DNAH7: variants seen among roughly 807,000 people sequenced by gnomAD.
The protein encoded by DNAH7 is dynein axonemal heavy chain 7.
In DNAH7, 397 loss-of-function variants were observed where a neutral mutation model predicts 444.6. That is an observed-to-expected ratio of 0.89 (90% confidence interval 0.82 to 0.97). The LOEUF (loss-of-function observed/expected upper bound fraction) is 0.97, where lower values mean the gene tolerates loss of function less well. Among genes scored for constraint, DNAH7 ranks in the 50% least tolerant of loss-of-function variants. DNAH7 has a pLI of 0.00. For missense variants in DNAH7, 4,902 were observed against 4,800.8 expected, an observed-to-expected ratio of 1.02 and a Z score of -0.62; for synonymous variants, 1,636 against 1,624.4, an observed-to-expected ratio of 1.01 and a Z score of -0.17.
intron 5 of DNAH7, among the ~76,000 whole-genome samples, chr2:196,032,134 G>A (rs367964879): frequency 1.4e-4 from 21 of 152,250 alleles, no homozygotes; most frequent in East Asian, 3.9e-4. Context: ...ATGTGGTGGC[G>A]AGAGAGAAAT....
chr2:195,886,863 C>T (rs1238723067), intron 33 of DNAH7, among the ~76,000 whole-genome samples: 1 of 152,130 alleles, frequency 6.6e-6, no homozygotes. Context: ...CTTCTCCCCA[C>T]GCAGCTCTCT....
intron 24 of DNAH7, among the ~76,000 whole-genome samples, chr2:195,916,264 T>C (rs966134750): frequency 6.6e-6 from 1 of 152,128 alleles, no homozygotes; most frequent in Non-Finnish European, 1.5e-5. Context: ...AAAAGCATGA[T>C]TCATGAAAGA....
chr2:195,990,231 C>T (rs976347624), intron 12 of DNAH7, among the ~76,000 whole-genome samples: 3 of 152,086 alleles, frequency 2.0e-5, no homozygotes, highest in African/African-American at 7.2e-5. Context: ...AATCTTTAAT[C>T]CGCTTTGAGG....
chr2:195,774,627 C>T (rs570783845), intron 60 of DNAH7, among the ~76,000 whole-genome samples: 27 of 152,288 alleles, frequency 1.8e-4, no homozygotes, highest in African/African-American at 6.5e-4. Flanking sequence ...GATTTGAAAT[C>T]GTACTAGCTG....
chr2:195,933,894 T>G (rs2125403301), intron 21 of DNAH7, among the ~76,000 whole-genome samples: 1 of 147,888 alleles, frequency 6.8e-6, no homozygotes, highest in Non-Finnish European at 1.5e-5. Context: ...AAACTTAAAG[T>G]ATAGTAACAA....
Position 195,754,498 on chromosome 2 carries a change from C to T in DNAH7, c.11603G>A (p.Gly3868Asp), listed in dbSNP as rs754811352. The change falls in exon 63 of 65, where the codon GGT becomes GAT. Residue 3868 changes from glycine (G) to aspartate (D), a missense_variant. Transcript: ENST00000312428. ...AGAAAGCCAGAAGACTGGAGGAGGA[C>T]CAACCTCATACCATTGCTAGGGTGT... ...LKFLQQWYEV[G>D]PPPVFWLSGF... The T allele has an allele frequency of 1.2e-5, 19 of 1,613,852 alleles. No individual in the cohort carries two copies. The highest frequency in any genetic ancestry group is 1.7e-5 in the Admixed American group (1 of 59,978).
At chr2:195,846,949 A>ATATGTGTGTGTG (rs1553535817) in intron 46 of DNAH7, among the ~76,000 whole-genome samples, 8 of 137,216 alleles carry the variant, frequency 5.8e-5, no homozygotes, top group African/African-American at 2.3e-4. Flanking sequence ...ACTCCCATAT[A>ATATGTGTGTGTG]TGTGTGTGTG....
intron 61 of DNAH7, among the ~76,000 whole-genome samples, chr2:195,757,772 C>T (rs757127929): frequency 5.9e-5 from 9 of 152,272 alleles, no homozygotes; most frequent in Non-Finnish European, 1.2e-4. Flanking sequence ...ATACACTGCA[C>T]AATACCCCTA....
intron 45 of DNAH7, among the ~76,000 whole-genome samples, chr2:195,854,025 G>T (rs1288338877): frequency 7.9e-5 from 12 of 152,130 alleles, no homozygotes; most frequent in Admixed American, 7.9e-4. Context: ...TCAGGCACTT[G>T]CAATTCAGCT....
At position 195,777,833 on chromosome 2, in the gene DNAH7, T is replaced by C; in HGVS notation, c.11031A>G (p.Ser3677=). The C allele has an allele frequency of 6.2e-7, 1 of 1,613,808 alleles. No homozygotes were observed. Among genetic ancestry groups the C allele is most frequent in the East Asian group, 2.2e-5 (1 of 44,876 alleles). ...AAGGAGGAACAAAATAGATGCCACTTGAGTCGAACTTATAGTCTGAATTTT... is the reference window on the plus strand; with the variant it reads ...AAGGAGGAACAAAATAGATGCCACTCGAGTCGAACTTATAGTCTGAATTTT... ...LVENSDYKFD[S]SGIYFVPPSG... The change falls in exon 59 of 65, where the codon TCA becomes TCG. Residue 3677 remains serine, a synonymous_variant. Coordinates refer to ENST00000312428, the MANE Select transcript of DNAH7 (RefSeq NM_018897.3).
chr2:195,936,214 A>T (rs1689041327), intron 20 of DNAH7, among the ~76,000 whole-genome samples: 1 of 152,240 alleles, frequency 6.6e-6, no homozygotes, highest in Non-Finnish European at 1.5e-5. Context: ...TCCCTACTAA[A>T]AATACCAAAA....
intron 58 of DNAH7, among the ~76,000 whole-genome samples, 200 bp downstream of exon 58, chr2:195,786,810 C>A (rs1294546406): frequency 6.6e-6 from 1 of 152,122 alleles, no homozygotes; most frequent in African/African-American, 2.4e-5. Context: ...TTCTAATAGA[C>A]AAACTGATGT....
intron 40 of DNAH7, among the ~76,000 whole-genome samples, chr2:195,868,934 A>G (rs1700514005): frequency 6.6e-6 from 1 of 150,906 alleles, no homozygotes; most frequent in African/African-American, 2.4e-5. Context: ...TCTCTAACAT[A>G]TATTAAACCC....
At chr2:195,930,600 T>C (rs1688626587) in intron 21 of DNAH7, among the ~76,000 whole-genome samples, 1 of 152,216 alleles carries the variant, frequency 6.6e-6, no homozygotes, top group Non-Finnish European at 1.5e-5. Context: ...GTTCAGCTGC[T>C]GTGGAAAGCA....
chr2:195,960,810 T>A lies in DNAH7; in HGVS notation c.2341A>T (p.Arg781Ter), dbSNP rs1691042044. Residue 781 changes from arginine to a stop codon, truncating the protein, a stop_gained, in exon 18 of 65, where the codon AGA becomes TGA. Coordinates refer to ENST00000312428, the MANE Select transcript of DNAH7 (RefSeq NM_018897.3). LOFTEE classifies it high-confidence loss of function. Reference sequence around the variant, plus strand: ...TGATATGGCCCTTCTGTCCATGCTCTATAGTTGCTGCTAAATTCGACAGCA... The same window carrying A: ...TGATATGGCCCTTCTGTCCATGCTCAATAGTTGCTGCTAAATTCGACAGCA... The part of the protein sequence containing the change: ...ETAVEFSSNY[R>*]AWTEGPYHKV... 1.2e-6 allele frequency: 2 copies of A among 1,614,198 alleles called. No individual in the cohort carries two copies. Among genetic ancestry groups the A allele is most frequent in the Admixed American group, 1.7e-5 (1 of 60,032 alleles).
intron 40 of DNAH7, among the ~76,000 whole-genome samples, chr2:195,868,803 C>T (rs1203062261): frequency 6.7e-6 from 1 of 149,510 alleles, no homozygotes; most frequent in Non-Finnish European, 1.5e-5. Flanking sequence ...TGTCTCAGAG[C>T]CATGGAGAAG....
intron 12 of DNAH7, among the ~76,000 whole-genome samples, chr2:195,990,099 T>G (rs1693200577): frequency 6.6e-6 from 1 of 152,202 alleles, no homozygotes; most frequent in Admixed American, 6.5e-5. Context: ...ATTTGTCAAT[T>G]TTTATTTTTG....
intron 22 of DNAH7, 137 bp from the exon 23 acceptor site, chr2:195,923,944 A>G (rs892567072): frequency 1.7e-5 from 15 of 881,048 alleles, no homozygotes; most frequent in Admixed American, 2.7e-5. Flanking sequence ...TTTAAAAATA[A>G]TTTGTTTTTC....
chr2:195,791,869 A>G (rs1695892636), intron 57 of DNAH7, among the ~76,000 whole-genome samples: 1 of 152,138 alleles, frequency 6.6e-6, no homozygotes, highest in South Asian at 2.1e-4. Flanking sequence ...ACACAGACAT[A>G]AAGAAGGAAA....
Sources: allele counts gnomAD v4.1 joint callset (sites outside exome capture counted in the v4.1 genomes callset), GRCh38; gene constraint gnomAD v4.1.1; transcripts MANE v1.5; gene names NCBI Gene and HGNC (gene_info 2026-07-23, HGNC 2026-07-21).